Variants in KCNB2 observed in about 807,000 individuals in gnomAD.
The protein encoded by KCNB2 is potassium voltage-gated channel subfamily B member 2, also known as delayed rectifier potassium channel protein.
A neutral mutation model predicts 61.5 loss-of-function variants in KCNB2; 15 were observed. That is an observed-to-expected ratio of 0.24 (90% CI 0.16 to 0.38). The LOEUF (loss-of-function observed/expected upper bound fraction) is 0.38. KCNB2 is among the 10% of genes least tolerant of loss of function. The pLI is 1.00. For synonymous variants in KCNB2, 457 were observed against 446.0 expected (o/e 1.02, Z -0.31); for missense variants, 828 against 1,125.2 (o/e 0.74, Z 3.78).
chr8:72,692,308 T>G (rs1350088939), intron 2 of KCNB2, among the ~76,000 whole-genome samples: 1 of 152,026 alleles, frequency 6.6e-6, no homozygotes, highest in Non-Finnish European at 1.5e-5. Context: ...ATTTTTCTAT[T>G]AATTAATTTT....
intron 2 of KCNB2, among the ~76,000 whole-genome samples, chr8:72,780,578 T>G (rs1314628152): frequency 5.9e-5 from 9 of 152,208 alleles, no homozygotes; most frequent in Non-Finnish European, 1.0e-4. Flanking sequence ...ATATTGTGCT[T>G]AAATCACATT....
intron 2 of KCNB2, among the ~76,000 whole-genome samples, chr8:72,638,957 A>G (rs1369780440): frequency 1.3e-5 from 2 of 152,142 alleles, no homozygotes; most frequent in East Asian, 3.9e-4. Flanking sequence ...CACTCAACTT[A>G]TGCAGATCAC....
rs764851272 is a variant in KCNB2 at position 72,937,544 on chromosome 8, C to T, written c.2189C>T (p.Pro730Leu). 32 of 1,613,772 alleles carry T rather than the reference C, an allele frequency of 2.0e-5. No individual in the cohort carries two copies. The highest frequency in any genetic ancestry group is 2.7e-5 in the African/African-American group (2 of 74,878). ...AATAGAGGCAGTGCACCACAGACCC[C>T]GCCCAGCACAGCCAGGCCACTGCCA... ...KENRGSAPQT[P>L]PSTARPLPVT... The change falls in exon 3 of 3, where the codon CCG becomes CTG. Residue 730 changes from proline to leucine, a missense_variant. Pro to Leu is a moderately conservative substitution (Grantham distance 98, BLOSUM62 -3). Around this residue, in one of 4 missense-constraint regions of KCNB2, gnomAD observed 559 missense variants for 588.4 expected, o/e 0.95. Transcript: ENST00000523207.
intron 2 of KCNB2, among the ~76,000 whole-genome samples, chr8:72,634,709 C>A (rs1483492437): frequency 6.6e-6 from 1 of 152,162 alleles, no homozygotes; most frequent in Non-Finnish European, 1.5e-5. Flanking sequence ...CTAATCAACT[C>A]AAACCTAATT....
At chr8:72,654,002 G>A (rs908731946) in intron 2 of KCNB2, among the ~76,000 whole-genome samples, 1 of 152,138 alleles carries the variant, frequency 6.6e-6, no homozygotes, top group African/African-American at 2.4e-5. Context: ...ATTCTGTTAA[G>A]ACAAGATTAG....
chr8:72,766,571 T>C lies in KCNB2; in HGVS notation c.580-169364T>C, dbSNP rs1264796479. Among the ~76,000 whole-genome samples, 6 of 152,336 alleles carry C rather than the reference T, an allele frequency of 3.9e-5. No homozygotes were observed. In the South Asian group the frequency reaches 1.2e-3, roughly 32 times the overall value. On this transcript the variant is annotated intron_variant, in intron 2 of 2. Coordinates refer to ENST00000523207, the MANE Select transcript of KCNB2 (RefSeq NM_004770.3). ...CAGTTTCACCAGGGAACACTTTTTC[T>C]AAGAGCACTTTCTTGAGTGAATTTC...
intron 2 of KCNB2, among the ~76,000 whole-genome samples, chr8:72,860,690 T>A (rs116631640): frequency 0.014 from 2,104 of 152,296 alleles, 55 homozygotes; most frequent in African/African-American, 0.047. Context: ...TTAAAAGAAG[T>A]CATTTCTACC....
At chr8:72,882,573 C>T (rs1312691616) in intron 2 of KCNB2, among the ~76,000 whole-genome samples, 2 of 123,428 alleles carry the variant, frequency 1.6e-5, no homozygotes, top group Admixed American at 7.9e-5. Flanking sequence ...GTCTTCATTA[C>T]GGCTCTGCAC....
At chr8:72,587,988 T>C (rs1446667636) in intron 2 of KCNB2, among the ~76,000 whole-genome samples, 1 of 152,160 alleles carries the variant, frequency 6.6e-6, no homozygotes, top group Admixed American at 6.5e-5. Context: ...AAAAAATGGT[T>C]AATGTTATGC....
At chr8:72,655,147 A>G (rs912397998) in intron 2 of KCNB2, among the ~76,000 whole-genome samples, 2 of 152,188 alleles carry the variant, frequency 1.3e-5, no homozygotes, top group Non-Finnish European at 2.9e-5. Context: ...CGTTTGCAGC[A>G]ACATGGATGG....
chr8:72,915,721 C>T (rs7460411), intron 2 of KCNB2, among the ~76,000 whole-genome samples: 89,198 of 151,456 alleles, frequency 0.59, 27,506 homozygotes, highest in Middle Eastern at 0.7. Context: ...AGATCAATAC[C>T]ATCCTGGCTA....
rs77443013 is a variant in KCNB2 at position 72,697,563 on chromosome 8, C to T, written c.579+129250C>T. Among the ~76,000 whole-genome samples, 732 of 152,040 alleles carry T rather than the reference C, an allele frequency of 4.8e-3. 7 individuals are homozygous for T. Among genetic ancestry groups the T allele is most frequent in the African/African-American group, 0.016 (679 of 41,462 alleles). Reference sequence around the variant, plus strand: ...CTGAAGCAATAGGATAGCTTAAGCCCGGAGTTCAAGGCTGCAGTGAACTAT... The same window carrying T: ...CTGAAGCAATAGGATAGCTTAAGCCTGGAGTTCAAGGCTGCAGTGAACTAT... On this transcript the variant is annotated intron_variant, in intron 2 of 2. Coordinates refer to ENST00000523207, the MANE Select transcript of KCNB2 (RefSeq NM_004770.3).
intron 2 of KCNB2, among the ~76,000 whole-genome samples, chr8:72,857,685 A>G (rs1426333654): frequency 1.3e-5 from 2 of 152,188 alleles, no homozygotes; most frequent in Non-Finnish European, 2.9e-5. Flanking sequence ...AGTCAGAAAA[A>G]AAATTAGAGG....
chr8:72,561,691 T>TTTTTTATA (rs1554576093), intron 1 of KCNB2, among the ~76,000 whole-genome samples: 1 of 19,406 alleles, frequency 5.2e-5, no homozygotes, highest in African/African-American at 2.8e-4. Flanking sequence ...GATCTTACTT[T>TTTTTTATA]TATATATATA....
chr8:72,663,228 A>G (rs557955939), intron 2 of KCNB2, among the ~76,000 whole-genome samples: 2 of 152,346 alleles, frequency 1.3e-5, no homozygotes, highest in South Asian at 4.1e-4. Context: ...ACACTTGATT[A>G]TAACCCATTT....
chr8:72,799,402 C>T (rs1046338950), intron 2 of KCNB2, among the ~76,000 whole-genome samples: 4 of 151,700 alleles, frequency 2.6e-5, no homozygotes, highest in African/African-American at 9.7e-5. Context: ...TTCAAGAGCA[C>T]ATTATTATTT....
At chr8:72,864,357 T>C (rs1258451139) in intron 2 of KCNB2, among the ~76,000 whole-genome samples, 1 of 152,136 alleles carries the variant, frequency 6.6e-6, no homozygotes, top group Non-Finnish European at 1.5e-5. Flanking sequence ...AAATGCAAAA[T>C]TGTTTCATTC....
intron 1 of KCNB2, among the ~76,000 whole-genome samples, chr8:72,546,047 C>A (rs1806253059): frequency 6.6e-6 from 1 of 152,260 alleles, no homozygotes; most frequent in East Asian, 1.9e-4. Flanking sequence ...TTGGTAAAGG[C>A]CCCCTGTTCT....
intron 1 of KCNB2, 113 bp from the exon 2 acceptor site, chr8:72,567,529 G>A (rs1806642421): frequency 2.0e-6 from 1 of 500,002 alleles, no homozygotes; most frequent in Non-Finnish European, 3.5e-6. Flanking sequence ...GTACCTTCTG[G>A]TTGTATTCAG....
Sources: allele counts gnomAD v4.1 joint callset (sites outside exome capture counted in the v4.1 genomes callset), GRCh38; gene constraint gnomAD v4.1.1; regional missense constraint gnomAD v4.1.1; transcripts MANE v1.5; gene names NCBI Gene and HGNC (gene_info 2026-07-23, HGNC 2026-07-21).